Variants in PTPN20 observed in about 807,000 individuals in gnomAD.
The protein encoded by PTPN20 is protein tyrosine phosphatase non-receptor type 20, also known as tyrosine-protein phosphatase non-receptor type 20.
In PTPN20, 9 loss-of-function variants were observed where a neutral mutation model predicts 35.0. The ratio of observed to expected loss-of-function variants is 0.26; its 90% CI spans 0.15 to 0.45. PTPN20 has a LOEUF of 0.45. Among genes scored for constraint, PTPN20 ranks in the 20% least tolerant of loss-of-function variants. PTPN20 has a pLI of 1.00. For missense variants in PTPN20, 111 were observed against 312.5 expected, an observed-to-expected ratio of 0.36 and a Z score of 4.86; for synonymous variants, 32 against 100.2, an observed-to-expected ratio of 0.32 and a Z score of 4.06.
intron 9 of PTPN20, among the ~76,000 whole-genome samples, chr10:46,987,790 T>TA (rs2057021687): frequency 8.1e-6 from 1 of 123,478 alleles, no homozygotes. Context: ...TGGAACATAA[T>TA]AGATACACAG....
At chr10:46,937,992 T>C (rs1336527611) in intron 2 of PTPN20, among the ~76,000 whole-genome samples, 2 of 150,330 alleles carry the variant, frequency 1.3e-5, no homozygotes, top group East Asian at 2.0e-4. Flanking sequence ...CTCTGTCTCA[T>C]AGGCTGGAGT....
At chr10:46,946,926 A>G (rs2044954004) in intron 5 of PTPN20, 1 of 421,224 alleles carries the variant, frequency 2.4e-6, no homozygotes, top group Non-Finnish European at 4.1e-6. Flanking sequence ...GTTTAGTAAA[A>G]TCCATTTTTT....
chr10:46,995,333 C>CTTTTTTTTTTTTTTTTTTTTT, intron 9 of PTPN20, among the ~76,000 whole-genome samples: 1 of 85,658 alleles, frequency 1.2e-5, no homozygotes, highest in Non-Finnish European at 2.2e-5. Context: ...TTTTTTTTTT[C>CTTTTTTTTTTTTTTTTTTTTT]TTTTTTTTTT....
chr10:46,995,684 CA>C (rs1555180632), intron 9 of PTPN20, among the ~76,000 whole-genome samples: 1 of 152,200 alleles, frequency 6.6e-6, no homozygotes, highest in Non-Finnish European at 1.5e-5. Flanking sequence ...TTTCTTCAGG[CA>C]CATGTAGTGC....
intron 1 of PTPN20, among the ~76,000 whole-genome samples, chr10:46,920,297 AAAATAACCTCC>A (rs1458696872): frequency 1.0e-5 from 1 of 98,546 alleles, no homozygotes; most frequent in Admixed American, 1.1e-4. Flanking sequence ...CCATATATGC[AAAATAACCTCC>A]AAATACAGAA....
intron 1 of PTPN20, among the ~76,000 whole-genome samples, chr10:46,926,765 A>G (rs2037558177): frequency 6.6e-6 from 1 of 151,726 alleles, no homozygotes; most frequent in African/African-American, 2.4e-5. Context: ...TCCCCAGAAT[A>G]TTCTCCTTGT....
intron 3 of PTPN20, among the ~76,000 whole-genome samples, chr10:46,942,004 G>C (rs1483064859): frequency 2.4e-5 from 1 of 41,680 alleles, no homozygotes; most frequent in African/African-American, 1.3e-4. Flanking sequence ...TTTTGAGACA[G>C]GCTAATTTAT....
intron 5 of PTPN20, among the ~76,000 whole-genome samples, chr10:46,953,388 TTTC>T (rs2047394626): frequency 7.0e-6 from 1 of 143,132 alleles, no homozygotes; most frequent in African/African-American, 2.9e-5. Flanking sequence ...TCTTTCTTTC[TTTC>T]TTTCTTTTTT....
chr10:46,997,670 A>G (rs1165593991), intron 9 of PTPN20, among the ~76,000 whole-genome samples: 4 of 151,612 alleles, frequency 2.6e-5, no homozygotes, highest in African/African-American at 9.7e-5. Context: ...CATATCCAAC[A>G]AAGGCCTTGG....
chr10:46,980,889 C>CA, intron 7 of PTPN20, among the ~76,000 whole-genome samples: 1 of 126,970 alleles, frequency 7.9e-6, no homozygotes, highest in Non-Finnish European at 1.7e-5. Context: ...ACAGCTATAG[C>CA]ACTACAGCCC....
At chr10:46,983,203 A>G (rs2056078415) in intron 7 of PTPN20, among the ~76,000 whole-genome samples, 2 of 151,432 alleles carry the variant, frequency 1.3e-5, no homozygotes, top group South Asian at 4.2e-4. Context: ...CAGTCTCCTG[A>G]GTAACTGGGA....
intron 9 of PTPN20, among the ~76,000 whole-genome samples, chr10:46,997,127 G>A (rs892685667): frequency 2.6e-5 from 4 of 151,992 alleles, no homozygotes; most frequent in Admixed American, 2.0e-4. Context: ...TATTTATTTA[G>A]GTCTTTTTTG....
chr10:46,933,502 A>C (rs1430865103), intron 2 of PTPN20, among the ~76,000 whole-genome samples: 59 of 146,074 alleles, frequency 4.0e-4, no homozygotes, highest in Non-Finnish European at 5.5e-4. Context: ...CCATTCTGCT[A>C]TCTGCTTTTG....
intron 10 of PTPN20, 118 bp from the exon 11 acceptor site, chr10:47,000,558 T>A: frequency 8.8e-7 from 1 of 1,134,780 alleles, no homozygotes; most frequent in South Asian, 1.4e-5. Flanking sequence ...TATAGTTAAA[T>A]GTTTGCTCTT....
chr10:46,922,722 A>AT (rs2035773360), intron 1 of PTPN20, among the ~76,000 whole-genome samples: 1 of 140,954 alleles, frequency 7.1e-6, no homozygotes, highest in Non-Finnish European at 1.5e-5. Flanking sequence ...TCATGGATCC[A>AT]GACAGCCCTC....
chr10:46,945,698 T>G (rs1219759594), intron 4 of PTPN20, among the ~76,000 whole-genome samples: 4 of 151,956 alleles, frequency 2.6e-5, no homozygotes, highest in Non-Finnish European at 5.9e-5. Flanking sequence ...GGGTTGCAAA[T>G]GAAAGTGCAA....
chr10:46,992,401 G>T (rs1256902591), intron 9 of PTPN20, among the ~76,000 whole-genome samples: 1 of 152,052 alleles, frequency 6.6e-6, no homozygotes, highest in Non-Finnish European at 1.5e-5. Flanking sequence ...GGGATCATAG[G>T]CATGAGCCAC....
At chr10:47,003,323 C>T (rs1349235195), downstream of PTPN20, among the ~76,000 whole-genome samples, 2 of 151,998 alleles carry the variant, frequency 1.3e-5, no homozygotes, top group East Asian at 1.9e-4. Flanking sequence ...AAAACAATAC[C>T]TCCTGTTAGC....
chr10:46,941,676 A>G (rs2043559197), intron 3 of PTPN20, among the ~76,000 whole-genome samples: 1 of 148,300 alleles, frequency 6.7e-6, no homozygotes, highest in South Asian at 2.1e-4. Context: ...GATTTTGTTT[A>G]TATTTTTACT....
Sources: allele counts gnomAD v4.1 joint callset (sites outside exome capture counted in the v4.1 genomes callset), GRCh38; gene constraint gnomAD v4.1.1; transcripts MANE v1.5; gene names NCBI Gene and HGNC (gene_info 2026-07-23, HGNC 2026-07-21).